Variants in NISCH observed in about 807,000 individuals in gnomAD.
NISCH encodes I-1 receptor candidate protein.
A neutral mutation model predicts 138.4 loss-of-function variants in NISCH; 55 were observed. The ratio of observed to expected loss-of-function variants is 0.40; its 90% confidence interval spans 0.32 to 0.50. NISCH has a LOEUF of 0.50. Among genes scored for constraint, NISCH ranks in the 20% least tolerant of loss-of-function variants. The probability of loss-of-function intolerance (pLI) is 0.71; values close to 1 mark genes in which losing one functional copy is unlikely to be tolerated. For synonymous variants in NISCH, 860 were observed against 861.5 expected, an observed-to-expected ratio of 1.00 and a Z score of 0.03; for missense variants, 1,643 against 2,005.5, an observed-to-expected ratio of 0.82 and a Z score of 3.45.
At chr3:52,485,107 T>G (rs1186518574) in intron 14 of NISCH, among the ~76,000 whole-genome samples, 2 of 152,130 alleles carry the variant, frequency 1.3e-5, no homozygotes, top group South Asian at 2.1e-4. Context: ...CTCTGGCGCC[T>G]CCTCTGTGGT....
rs139825323 is a variant in NISCH, at chr3:52,488,129, C to T, written c.2637C>T (p.Ile879=). ...QTAAGDYSGN[I]EWASCTLCSA... ...CCGCCGGGGACTACTCAGGCAACAT[C>T]GAGTGGGCCAGCTGCACACTCTGTT... The change falls in exon 16 of 21, where the codon ATC becomes ATT. Residue 879 remains isoleucine, a synonymous_variant. Coordinates refer to ENST00000345716, the MANE Select transcript of NISCH (RefSeq NM_007184.4). 7 of 1,613,072 alleles carry T rather than the reference C, an allele frequency of 4.3e-6. No homozygotes were observed. The highest frequency in any genetic ancestry group is 1.3e-5 in the African/African-American group (1 of 74,914).
chr3:52,489,478 G>A lies in NISCH; in HGVS notation c.3256G>A (p.Val1086Ile), dbSNP rs1371091884. The change falls in exon 17 of 21, where the codon GTC (valine) becomes ATC (isoleucine). Residue 1086 changes from valine to isoleucine, a missense_variant. Coordinates refer to ENST00000345716, the MANE Select transcript of NISCH (RefSeq NM_007184.4). The part of the protein sequence containing the change: ...APAEASTSAL[V>I]PEETPVEAPA... ...AGCAGAGGCCTCAACTTCAGCTTTG[G>A]TCCCAGAGGAGACGCCAGTGGAAGC... is the stretch of plus-strand genomic sequence containing the variant. 13 of 1,607,946 alleles carry A rather than the reference G, an allele frequency of 8.1e-6. No individual in the cohort carries two copies. Among genetic ancestry groups the A allele is most frequent in the Non-Finnish European group, 1.0e-5 (12 of 1,175,192 alleles).
chr3:52,492,632 T>C lies in NISCH; in HGVS notation c.*150T>C. The stretch of plus-strand genomic sequence containing the variant: ...AATGTGAACATGTGTGTGTGTTGTG[T>C]TAATTCTTTCTCATGTTGGGAGTGA... On this transcript the variant is annotated 3_prime_UTR_variant, in exon 21 of 21. Coordinates refer to ENST00000345716, the MANE Select transcript of NISCH (RefSeq NM_007184.4). 1 of 1,099,962 alleles carries C rather than the reference T, an allele frequency of 9.1e-7. No individual in the cohort carries two copies. The highest frequency in any genetic ancestry group is 1.7e-5 in the South Asian group (1 of 58,542). 68.1% of individuals were successfully genotyped at this position (1,099,962 alleles called of 1,614,324 possible). A position where few individuals can be genotyped will look rare whatever the true frequency, so the allele number is the denominator to read the frequency against.
chr3:52,483,715 G>C (rs1250086011), intron 13 of NISCH, among the ~76,000 whole-genome samples: 1 of 152,246 alleles, frequency 6.6e-6, no homozygotes, highest in Non-Finnish European at 1.5e-5. Flanking sequence ...TGGCCCCCTG[G>C]TGAATTGTCC....
rs148675688 is a variant in NISCH, at chr3:52,471,848, C to T, written c.444C>T (p.Ala148=). 5.6e-6 allele frequency: 9 copies of T among 1,613,824 alleles called. No individual in the cohort carries two copies. Among genetic ancestry groups the T allele is most frequent in the African/African-American group, 4.0e-5 (3 of 74,928 alleles). ...TCCTGGGGGCCGGCGAGGTCTTTGC[C>T]ATTGGACCCCTGCAGCTGTATGCCG... The part of the protein sequence containing the change: ...EQLLGAGEVF[A]IGPLQLYAVT... The change falls in exon 5 of 21, where the codon GCC becomes GCT. Residue 148 remains alanine (A), a synonymous_variant. Coordinates refer to ENST00000345716, the MANE Select transcript of NISCH (RefSeq NM_007184.4).
rs773136274 is a variant in NISCH, at chr3:52,488,357, C to T, written c.2865C>T (p.Pro955=). The change falls in exon 16 of 21, where the codon CCC becomes CCT. Residue 955 remains proline (P), a synonymous_variant. Transcript: ENST00000345716. ...CGCTCTCCACCGTGCTGCTGGACCC[C>T]ACACGCAGCTGTACCCAGCCTCGGG... ...RVPLSTVLLD[P]TRSCTQPRGA... The T allele has an allele frequency of 2.5e-6, 4 of 1,613,716 alleles. No homozygotes were observed. Among genetic ancestry groups the T allele is most frequent in the South Asian group, 2.2e-5 (2 of 91,086 alleles).
intron 3 of NISCH, among the ~76,000 whole-genome samples, chr3:52,469,024 C>T (rs548278067): frequency 3.3e-5 from 5 of 152,196 alleles, no homozygotes; most frequent in African/African-American, 1.2e-4. Flanking sequence ...TATAAACCAC[C>T]ATTAAAATGG....
rs1416375563 is a variant in NISCH, at chr3:52,455,640, A to G, written c.-2A>G. On this transcript the variant is annotated 5_prime_UTR_variant, in exon 1 of 21. Transcript: ENST00000345716. The stretch of plus-strand genomic sequence containing the variant: ...GGCGGCGGTGGCGGCGGAGACCCGA[A>G]CATGGCGACCGCGCGCACCTTCGGG... 2 of 1,336,922 alleles carry G rather than the reference A, an allele frequency of 1.5e-6. No homozygotes were observed. 82.8% of individuals were successfully genotyped at this position (1,336,922 alleles called of 1,614,324 possible).
chr3:52,489,518 C>A lies in NISCH; in HGVS notation c.3296C>A (p.Pro1099Gln). ...ETPVEAPAPP[P>Q]AEAPAQYPSE... ...CCAGTGGAAGCTCCAGCCCCACCCC[C>A]AGCCGAGGCCCCTGCCCAGTACCCG... Residue 1099 changes from proline to glutamine, a missense_variant, in exon 17 of 21, where the codon CCA (proline) becomes CAA (glutamine). Pro to Gln is a moderately conservative substitution (Grantham distance 76). Transcript: ENST00000345716. The A allele has an allele frequency of 6.2e-7, 1 of 1,613,024 alleles. No homozygotes were observed. The highest frequency in any genetic ancestry group is 1.1e-5 in the South Asian group (1 of 91,076).
intron 2 of NISCH, 31 bp from the exon 3 acceptor site, chr3:52,458,631 C>T (rs2153230476): frequency 1.3e-6 from 2 of 1,594,346 alleles, no homozygotes; most frequent in Non-Finnish European, 1.7e-6. Context: ...GCCTCTTAGT[C>T]TGTGGTTGAT....
At chr3:52,472,661 T>G (rs138463482) in intron 6 of NISCH, among the ~76,000 whole-genome samples, 53 of 152,310 alleles carry the variant, frequency 3.5e-4, no homozygotes, top group African/African-American at 1.2e-3. Flanking sequence ...TGGCTCATTC[T>G]AGGACTCCTC....
chr3:52,487,993 TC>T lies in NISCH; in HGVS notation c.2503del (p.Leu835CysfsTer138). On this transcript the variant is annotated frameshift_variant, in exon 16 of 21. Transcript: ENST00000345716. LOFTEE classifies it high-confidence loss of function. This position sits in a 1 kb window ranked among gnomAD's most constrained non-coding sequence, Gnocchi z 9.1. ...GGCAGCCACACCAGCCTGCAGGAGT[TC>T]CTGCGCCAGCTGCTCACCTTCTACA... is the stretch of plus-strand genomic sequence containing the variant. ...LYGSHTSLQE[F>X]LRQLLTFYKV... 6.2e-7 allele frequency: 1 copy of T among 1,612,484 alleles called. No individual in the cohort carries two copies. Among genetic ancestry groups the T allele is most frequent in the African/African-American group, 1.3e-5 (1 of 74,988 alleles).
At chr3:52,465,960 A>T (rs1264532545) in intron 3 of NISCH, among the ~76,000 whole-genome samples, 1 of 152,224 alleles carries the variant, frequency 6.6e-6, no homozygotes, top group Non-Finnish European at 1.5e-5. Context: ...AAAGGTGTTT[A>T]TATTGTTGTC....
At chr3:52,471,533 C>T (rs1487880508) in intron 4 of NISCH, 4 of 546,006 alleles carry the variant, frequency 7.3e-6, no homozygotes, top group South Asian at 4.3e-5. Flanking sequence ...CTCACTCTGG[C>T]CCAGTGCCTT....
chr3:52,458,583 C>A, intron 2 of NISCH, 79 bp from the exon 3 acceptor site: 2 of 1,271,618 alleles, frequency 1.6e-6, no homozygotes, highest in Non-Finnish European at 2.2e-6. Flanking sequence ...CAAGCGCCTG[C>A]CCTCAAGCTT....
intron 7 of NISCH, chr3:52,475,533 G>A (rs1464020226): frequency 6.6e-6 from 1 of 152,172 alleles, no homozygotes; most frequent in Non-Finnish European, 1.5e-5. Flanking sequence ...TTCAGCCTCT[G>A]AGAAGCTAGA....
rs369447186 is a variant in NISCH at position 52,491,995 on chromosome 3, C to T, written c.4028C>T (p.Pro1343Leu). 3.7e-6 allele frequency: 6 copies of T among 1,613,336 alleles called. No individual in the cohort carries two copies. The highest frequency in any genetic ancestry group is 5.1e-6 in the Non-Finnish European group (6 of 1,180,036). Residue 1343 changes from proline to leucine, a missense_variant, in exon 21 of 21, where the codon CCA becomes CTA. Transcript: ENST00000345716. Reference sequence around the variant, plus strand: ...AAGATGGCTGAGCCAGAGAAGGCCCCAGCCCTCAGCATCCTGCTGTACGTG... The same window carrying T: ...AAGATGGCTGAGCCAGAGAAGGCCCTAGCCCTCAGCATCCTGCTGTACGTG... ...AQKMAEPEKA[P>L]ALSILLYVQA...
intron 3 of NISCH, among the ~76,000 whole-genome samples, chr3:52,468,959 G>A (rs565712226): frequency 6.6e-6 from 1 of 152,148 alleles, no homozygotes; most frequent in South Asian, 2.1e-4. Flanking sequence ...GTCAGAAAAA[G>A]CACCATGAAC....
Position 52,484,725 on chromosome 3 carries a change from T to A in NISCH, c.1653+88T>A, listed in dbSNP as rs1424135621. The A allele has an allele frequency of 2.7e-6, 4 of 1,495,746 alleles. No individual in the cohort carries two copies. In the African/African-American group the frequency reaches 5.5e-5, roughly 21 times the overall value. The allele number at this position is 1,495,746 out of a possible 1,614,324, so 92.7% of individuals were successfully genotyped here. On this transcript the variant is annotated intron_variant, in intron 14 of 20. Coordinates refer to ENST00000345716, the MANE Select transcript of NISCH (RefSeq NM_007184.4). Reference sequence around the variant, plus strand: ...TGTGTGCAGTAGGAAGTGGCCTAGCTGGAGCTGAGGCAGATGCTTCCAGGG... The same window carrying A: ...TGTGTGCAGTAGGAAGTGGCCTAGCAGGAGCTGAGGCAGATGCTTCCAGGG...
Sources: gnomAD v4.1 joint callset for allele counts (sites outside exome capture counted in the v4.1 genomes callset) on GRCh38, gnomAD v4.1.1 for gene constraint, Gnocchi (gnomAD v3.1) non-coding constraint, MANE v1.5 for transcripts, NCBI Gene and HGNC (gene_info 2026-07-23, HGNC 2026-07-21) for gene names.